Variants in STK32B observed in about 807,000 individuals in gnomAD.
STK32B encodes serine/threonine kinase 32B, also known as serine/threonine-protein kinase 32B.
A neutral mutation model predicts 52.6 loss-of-function variants in STK32B; 43 were observed. The observed-to-expected ratio is 0.82, with a 90% CI of 0.64 to 1.05. The LOEUF (loss-of-function observed/expected upper bound fraction) is 1.05, where lower values mean the gene tolerates loss of function less well. Ranked by LOEUF, STK32B falls within the 50% of genes least tolerant of loss-of-function variation. The pLI, the probability that STK32B is intolerant of heterozygous loss-of-function variation, is 0.00. For synonymous variants in STK32B, 238 were observed against 204.3 expected, an observed-to-expected ratio of 1.17 and a Z score of -1.41; for missense variants, 621 against 534.6, an observed-to-expected ratio of 1.16 and a Z score of -1.59.
chr4:5,424,908 C>T (rs548142402), intron 6 of STK32B, among the ~76,000 whole-genome samples: 1 of 152,352 alleles, frequency 6.6e-6, no homozygotes, highest in African/African-American at 2.4e-5. Context: ...GTGATGCCCT[C>T]TTTGGGGCTC....
intron 1 of STK32B, among the ~76,000 whole-genome samples, chr4:5,122,810 T>C (rs535300930): frequency 7.9e-5 from 12 of 152,298 alleles, no homozygotes; most frequent in African/African-American, 2.6e-4. Context: ...ACTCCCTTGC[T>C]GCACTCTCCT....
chr4:5,200,588 C>T (rs566903844), intron 3 of STK32B, among the ~76,000 whole-genome samples: 66 of 152,086 alleles, frequency 4.3e-4, no homozygotes, highest in Non-Finnish European at 8.4e-4. Flanking sequence ...ATTGGCAAAA[C>T]TCTCATGCCT....
At chr4:5,067,361 G>T (rs1742463281) in intron 1 of STK32B, among the ~76,000 whole-genome samples, 1 of 152,104 alleles carries the variant, frequency 6.6e-6, no homozygotes, top group Non-Finnish European at 1.5e-5. Flanking sequence ...ATATCAGTCA[G>T]TCACCCCCAC....
intron 7 of STK32B, among the ~76,000 whole-genome samples, chr4:5,454,629 G>A (rs1716338724): frequency 6.6e-6 from 1 of 152,128 alleles, no homozygotes; most frequent in South Asian, 2.1e-4. Context: ...TGTAGCAGCA[G>A]TGGTCAGAGG....
At chr4:5,196,334 GTTTTT>G (rs35605834) in intron 3 of STK32B, among the ~76,000 whole-genome samples, 1 of 87,714 alleles carries the variant, frequency 1.1e-5, no homozygotes, top group African/African-American at 5.2e-5. Context: ...TCTTTCTTCA[GTTTTT>G]TTTTTTTTTT....
intron 3 of STK32B, among the ~76,000 whole-genome samples, chr4:5,326,536 G>C (rs374752800): frequency 7.9e-5 from 12 of 152,052 alleles, no homozygotes; most frequent in African/African-American, 2.9e-4. Context: ...CCCTAGACAG[G>C]TCTTATTGAC....
intron 3 of STK32B, among the ~76,000 whole-genome samples, chr4:5,242,956 T>C (rs1725149076): frequency 6.6e-6 from 1 of 152,226 alleles, no homozygotes; most frequent in African/African-American, 2.4e-5. Flanking sequence ...TTGGTACCAG[T>C]TGCATTCTGT....
At chr4:5,223,514 T>C (rs1035071839) in intron 3 of STK32B, among the ~76,000 whole-genome samples, 25 of 152,126 alleles carry the variant, frequency 1.6e-4, no homozygotes, top group African/African-American at 5.5e-4. Flanking sequence ...GGACAGGGGT[T>C]CAAAGAAGAT....
At chr4:5,432,232 T>C (rs1205014064) in intron 6 of STK32B, 2 of 152,312 alleles carry the variant, frequency 1.3e-5, no homozygotes, top group East Asian at 1.9e-4. Context: ...AAGCCAGAAC[T>C]CTGTGACTTA....
chr4:5,168,530 C>T, intron 3 of STK32B, 80 bp downstream of exon 3: 3 of 1,453,488 alleles, frequency 2.1e-6, no homozygotes, highest in Non-Finnish European at 2.8e-6. Context: ...TAGAGGGACT[C>T]TTCCGCATTG....
chr4:5,090,126 G>A (rs1209458047), intron 1 of STK32B, among the ~76,000 whole-genome samples: 1 of 151,798 alleles, frequency 6.6e-6, no homozygotes, highest in Non-Finnish European at 1.5e-5. Flanking sequence ...TGTCAGATAG[G>A]GAGATTGCAA....
chr4:5,208,880 T>C (rs746251278), intron 3 of STK32B, among the ~76,000 whole-genome samples: 7 of 152,262 alleles, frequency 4.6e-5, no homozygotes, highest in Non-Finnish European at 8.8e-5. Context: ...ATGATCACGA[T>C]GCCTGACAAG....
At chr4:5,143,388 G>C (rs1008723243) in intron 2 of STK32B, among the ~76,000 whole-genome samples, 2 of 152,166 alleles carry the variant, frequency 1.3e-5, no homozygotes, top group African/African-American at 4.8e-5. Context: ...ATATCTGACA[G>C]GTGCCACTTT....
At chr4:5,095,984 G>A (rs993118059) in intron 1 of STK32B, among the ~76,000 whole-genome samples, 12 of 152,110 alleles carry the variant, frequency 7.9e-5, no homozygotes, top group African/African-American at 2.9e-4. Flanking sequence ...AATTCTACTG[G>A]ATATTATATT....
intron 7 of STK32B, among the ~76,000 whole-genome samples, chr4:5,448,723 G>T (rs988061966): frequency 2.0e-5 from 3 of 152,174 alleles, no homozygotes; most frequent in Non-Finnish European, 4.4e-5. Context: ...AATGATGGGG[G>T]ATCCAGGCCT....
At chr4:5,430,098 GC>G (rs1366802842) in intron 6 of STK32B, among the ~76,000 whole-genome samples, 3 of 152,048 alleles carry the variant, frequency 2.0e-5, no homozygotes, top group Non-Finnish European at 4.4e-5. Context: ...TGTTTTCTGA[GC>G]TTTTTGGATA....
intron 1 of STK32B, among the ~76,000 whole-genome samples, chr4:5,099,447 T>C (rs62290461): frequency 0.16 from 13,157 of 80,560 alleles, 953 homozygotes; most frequent in East Asian, 0.43. Context: ...TGTGTGTGTG[T>C]GTGCGCGCGC....
intron 3 of STK32B, among the ~76,000 whole-genome samples, chr4:5,206,931 A>G (rs1243410801): frequency 6.6e-6 from 1 of 151,966 alleles, no homozygotes; most frequent in Non-Finnish European, 1.5e-5. Flanking sequence ...GCCATTCCAG[A>G]CTCATCCTGT....
chr4:5,138,126 C>T (rs1386154404), intron 1 of STK32B, among the ~76,000 whole-genome samples: 1 of 152,180 alleles, frequency 6.6e-6, no homozygotes, highest in Non-Finnish European at 1.5e-5. Flanking sequence ...TATGAAATCT[C>T]TTTCTTGGCA....
Sources: allele counts gnomAD v4.1 joint callset (sites outside exome capture counted in the v4.1 genomes callset), GRCh38; gene constraint gnomAD v4.1.1; transcripts MANE v1.5; gene names NCBI Gene and HGNC (gene_info 2026-07-23, HGNC 2026-07-21).